The following FGFBP1 variants were observed in gnomAD, a reference collection of about 807,000 sequenced individuals.
FGFBP1 encodes the protein fibroblast growth factor binding protein 1.
Under a neutral mutation model 14.6 loss-of-function variants are expected in FGFBP1, and 12 were observed. That is an observed-to-expected ratio of 0.82 (90% CI 0.53 to 1.33). The LOEUF is 1.33. Among genes scored for constraint, FGFBP1 ranks in the 40% most tolerant of loss-of-function variants. FGFBP1 has a pLI of 0.00. For missense variants in FGFBP1, 317 were observed against 271.8 expected (o/e 1.17, Z -1.17); for synonymous variants, 117 against 105.0 (o/e 1.11, Z -0.70).
intron 2 of FGFBP1, among the ~76,000 whole-genome samples, chr4:15,937,023 C>A (rs1456821122): frequency 6.6e-6 from 1 of 152,134 alleles, no homozygotes; most frequent in Non-Finnish European, 1.5e-5. Flanking sequence ...TTGAGAAAGC[C>A]TCAGATTTGA....
In FGFBP1 at chr4:15,935,920, T is replaced by C; in HGVS notation, c.*8A>G. The C allele has an allele frequency of 6.4e-7, 1 of 1,562,268 alleles. No individual in the cohort carries two copies. The highest frequency in any genetic ancestry group is 8.7e-7 in the Non-Finnish European group (1 of 1,149,432). On this transcript the variant is annotated 3_prime_UTR_variant, in exon 3 of 3. Transcript: ENST00000382333. ...TCTCTTAAGGGAACCCGTTCTCTTT[T>C]GACCTCATTAGCATGACGTGTCCTG...
At position 15,936,203 on chromosome 4, in the gene FGFBP1, GA is replaced by G; in HGVS notation, c.429del (p.Pro144GlnfsTer7). 3 of 1,614,164 alleles carry G rather than the reference GA, an allele frequency of 1.9e-6. No individual in the cohort carries two copies. Among genetic ancestry groups the G allele is most frequent in the Non-Finnish European group, 2.5e-6 (3 of 1,180,030 alleles). ...CTGACTAGCTTAAGACTGGATTCTG[GA>G]AAATCCTTTCTGCACACTCTGGTTT... ...AVKTRVCRKD[F>X]PESSLKLVSS... On this transcript the variant is annotated frameshift_variant, in exon 3 of 3. Coordinates refer to ENST00000382333, the MANE Select transcript of FGFBP1 (RefSeq NM_005130.5). LOFTEE classifies it high-confidence loss of function.
At chr4:15,937,705 G>C (rs1712530960) in intron 2 of FGFBP1, among the ~76,000 whole-genome samples, 3 of 152,198 alleles carry the variant, frequency 2.0e-5, no homozygotes, top group Non-Finnish European at 4.4e-5. Context: ...TTAAGGCTCA[G>C]ACAGGTAAGT....
chr4:15,936,471 G>A lies in FGFBP1; in HGVS notation c.162C>T (p.Pro54=), dbSNP rs373913085. 1.5e-5 allele frequency: 25 copies of A among 1,614,012 alleles called. No individual in the cohort carries two copies. The highest frequency in any genetic ancestry group is 2.7e-5 in the African/African-American group (2 of 74,902). Residue 54 remains proline, a synonymous_variant, in exon 3 of 3, where the codon CCC becomes CCT. Coordinates refer to ENST00000382333, the MANE Select transcript of FGFBP1 (RefSeq NM_005130.5). ...TGGTGACAAACTTGCCTTTGTTCCC[G>A]GGCCTGCTTTTCTGCTTAATCTGGG... ...GNTQIKQKSR[P]GNKGKFVTKD...
At position 15,936,220 on chromosome 4, in the gene FGFBP1, A is replaced by G. The variant is rs757557546; in HGVS notation, c.413T>C (p.Val138Ala). Reference sequence around the variant, plus strand: ...GGATTCTGGAAAATCCTTTCTGCACACTCTGGTTTTCACAGCTGTCTTGGA... The same window carrying G: ...GGATTCTGGAAAATCCTTTCTGCACGCTCTGGTTTTCACAGCTGTCTTGGA... ...RYSKTAVKTRVCRKDFPESSL... is the reference protein window; with the variant it reads ...RYSKTAVKTRACRKDFPESSL... The change falls in exon 3 of 3, where the codon GTG (valine) becomes GCG (alanine). Residue 138 changes from valine (V) to alanine (A), a missense_variant. Physicochemically the swap from Val to Ala is moderately conservative, Grantham distance 64 (BLOSUM62 0). Coordinates refer to ENST00000382333, the MANE Select transcript of FGFBP1 (RefSeq NM_005130.5). 2.5e-6 allele frequency: 4 copies of G among 1,614,028 alleles called. No homozygotes were observed. In the African/African-American group the frequency reaches 4.0e-5, roughly 16 times the overall value.
chr4:15,937,387 T>C (rs1048784891), intron 2 of FGFBP1, among the ~76,000 whole-genome samples: 1 of 152,164 alleles, frequency 6.6e-6, no homozygotes, highest in Non-Finnish European at 1.5e-5. Context: ...CTGATTTGCC[T>C]GGGCAAAGTG....
In FGFBP1 at chr4:15,936,602, A is replaced by C. The variant is rs1315500139; in HGVS notation, c.31T>G (p.Phe11Val). The change falls in exon 3 of 3, where the codon TTC (phenylalanine) becomes GTC (valine). Residue 11 changes from phenylalanine to valine, a missense_variant. Transcript: ENST00000382333. ...AGCACCTGAGCAGCCAGTAGGAGGA[A>C]GGAGAGCAGGGTGAGGCTACAGATC... Reference protein sequence around the residue: MKICSLTLLSFLLLAAQVLLV... With the variant: MKICSLTLLSVLLLAAQVLLV... The C allele has an allele frequency of 1.2e-6, 2 of 1,612,154 alleles. No individual in the cohort carries two copies. The highest frequency in any genetic ancestry group is 3.3e-5 in the Admixed American group (2 of 60,006).
In FGFBP1 at chr4:15,938,411, G is replaced by C. The variant is rs768439589; in HGVS notation, c.-181C>G. 1 of 152,336 alleles carries C rather than the reference G, an allele frequency of 6.6e-6. No homozygotes were observed. The highest frequency in any genetic ancestry group is 1.5e-5 in the Non-Finnish European group (1 of 68,124). 9.4% of individuals were successfully genotyped at this position (152,336 alleles called of 1,614,324 possible). On this transcript the variant is annotated 5_prime_UTR_variant, in exon 2 of 3. Transcript: ENST00000382333. ...CTGGGTTTTTACAACACTGTGGCAC[G>C]TTACTCACAGCTCCTCCCAGCCACG...
chr4:15,937,981 C>T (rs1712535235), intron 2 of FGFBP1, among the ~76,000 whole-genome samples: 1 of 152,156 alleles, frequency 6.6e-6, no homozygotes, highest in South Asian at 2.1e-4. Context: ...GAGGCAGACC[C>T]AGGAAATGGT....
At chr4:15,936,871 C>T (rs765811742) in intron 2 of FGFBP1, among the ~76,000 whole-genome samples, 20 of 152,126 alleles carry the variant, frequency 1.3e-4, no homozygotes, top group Admixed American at 5.2e-4. Context: ...TGGAGCCTCA[C>T]GAACTCTCAT....
At chr4:15,937,190 C>T (rs866854046) in intron 2 of FGFBP1, among the ~76,000 whole-genome samples, 1 of 150,860 alleles carries the variant, frequency 6.6e-6, no homozygotes, top group Non-Finnish European at 1.5e-5. Flanking sequence ...GACACAGATG[C>T]CCAAAATGAG....
At chr4:15,937,793 C>A (rs1390262011) in intron 2 of FGFBP1, among the ~76,000 whole-genome samples, 4 of 152,202 alleles carry the variant, frequency 2.6e-5, no homozygotes, top group Non-Finnish European at 5.9e-5. Flanking sequence ...TCCTTTCTGT[C>A]ACCCCTGGTT....
Position 15,936,283 on chromosome 4 carries a change from G to A in FGFBP1, c.350C>T (p.Ala117Val), listed in dbSNP as rs762957265. Residue 117 changes from alanine (A) to valine (V), a missense_variant, in exon 3 of 3, where the codon GCC becomes GTC. Ala to Val is a moderately conservative substitution (Grantham distance 64). Coordinates refer to ENST00000382333, the MANE Select transcript of FGFBP1 (RefSeq NM_005130.5). The part of the protein sequence containing the change: ...KDERVYWKQV[A>V]RNLRSQKDIC... ...GTCTTTCTGTGAGCGCAGATTCCGG[G>A]CAACTTGTTTCCAATAGACTCTCTC... 6.2e-7 allele frequency: 1 copy of A among 1,614,056 alleles called. No individual in the cohort carries two copies. The highest frequency in any genetic ancestry group is 8.5e-7 in the Non-Finnish European group (1 of 1,180,024).
chr4:15,936,333 T>C lies in FGFBP1; in HGVS notation c.300A>G (p.Pro100=). Residue 100 remains proline (P), a synonymous_variant, in exon 3 of 3, where the codon CCA becomes CCG. Coordinates refer to ENST00000382333, the MANE Select transcript of FGFBP1 (RefSeq NM_005130.5). ...HEFSCVFAGN[P]TSCLKLKDER... is the part of the protein sequence containing the mutation. ...CATCCTTGAGCTTTAGGCATGAGGT[T>C]GGATTGCCAGCAAAGACACAGGAAA... 6.2e-7 allele frequency: 1 copy of C among 1,614,254 alleles called. No homozygotes were observed. Among genetic ancestry groups the C allele is most frequent in the Non-Finnish European group, 8.5e-7 (1 of 1,180,036 alleles).
rs1044167055 is a variant in FGFBP1 at position 15,936,032 on chromosome 4, G to C, written c.601C>G (p.Pro201Ala). ...ATKAPECVED[P>A]DMANQRKTAL... ...GTCTTCCTCTGGTTTGCCATATCTG[G>C]GTCCTCCACACACTCGGGAGCTTTG... Residue 201 changes from proline (P) to alanine (A), a missense_variant, in exon 3 of 3, where the codon CCA becomes GCA. By Grantham distance (27) the Pro-to-Ala change is conservative (BLOSUM62 -1). Coordinates refer to ENST00000382333, the MANE Select transcript of FGFBP1 (RefSeq NM_005130.5). The C allele has an allele frequency of 3.7e-6, 6 of 1,613,726 alleles. No individual in the cohort carries two copies. The highest frequency in any genetic ancestry group is 1.7e-5 in the Admixed American group (1 of 59,984).
At chr4:15,936,721 T>TC in intron 2 of FGFBP1, 69 bp from the exon 3 acceptor site, 1 of 923,152 alleles carries the variant, frequency 1.1e-6, no homozygotes, top group Non-Finnish European at 1.6e-6. Flanking sequence ...CACGCTGGCC[T>TC]CCCCCTACCC....
Position 15,936,026 on chromosome 4 carries a change from T to C in FGFBP1, c.607A>G (p.Met203Val), listed in dbSNP as rs780317758. Residue 203 changes from methionine (M) to valine (V), a missense_variant, in exon 3 of 3, where the codon ATG (methionine) becomes GTG (valine). By Grantham distance (21) the Met-to-Val change is conservative. Transcript: ENST00000382333. ...AGGGCAGTCTTCCTCTGGTTTGCCATATCTGGGTCCTCCACACACTCGGGA... is the reference window on the plus strand; with the variant it reads ...AGGGCAGTCTTCCTCTGGTTTGCCACATCTGGGTCCTCCACACACTCGGGA... ...KAPECVEDPD[M>V]ANQRKTALEF... 5.0e-6 allele frequency: 8 copies of C among 1,614,024 alleles called. No homozygotes were observed. The highest frequency in any genetic ancestry group is 6.8e-6 in the Non-Finnish European group (8 of 1,180,006).
intron 2 of FGFBP1, among the ~76,000 whole-genome samples, chr4:15,937,087 C>G (rs1312498727): frequency 2.0e-5 from 3 of 152,218 alleles, no homozygotes; most frequent in African/African-American, 7.2e-5. Context: ...ATCAGGGAAT[C>G]TATCCCGTCA....
Position 15,936,090 on chromosome 4 carries a change from G to T in FGFBP1, c.543C>A (p.Pro181=). The change falls in exon 3 of 3, where the codon CCC becomes CCA. Residue 181 remains proline (P), a synonymous_variant. Transcript: ENST00000382333. ...REHIKGKETT[P]SSLAVTQTMA... is the part of the protein sequence containing the mutation. ...TGGTCTGGGTCACTGCTAGGCTAGA[G>T]GGGGTGGTCTCTTTGCCTTTGATGT... 6.2e-7 allele frequency: 1 copy of T among 1,614,086 alleles called. No homozygotes were observed. Among genetic ancestry groups the T allele is most frequent in the Non-Finnish European group, 8.5e-7 (1 of 1,179,988 alleles).
Sources: allele counts gnomAD v4.1 joint callset (sites outside exome capture counted in the v4.1 genomes callset), GRCh38; gene constraint gnomAD v4.1.1; transcripts MANE v1.5; gene names NCBI Gene and HGNC (gene_info 2026-07-23, HGNC 2026-07-21).